The following AFAP1L2 variants were observed in gnomAD, a reference collection of about 807,000 sequenced individuals.
AFAP1L2 encodes the protein actin filament-associated protein 1-like 2.
AFAP1L2 carries 46 observed loss-of-function variants against 99.3 expected under a neutral mutation model. The ratio of observed to expected loss-of-function variants is 0.46; its 90% CI spans 0.37 to 0.59. The LOEUF is 0.59. Ranked by LOEUF, AFAP1L2 falls within the 20% of genes least tolerant of loss-of-function variation. AFAP1L2 has a pLI of 0.00. For synonymous variants in AFAP1L2, 397 were observed against 419.1 expected, an observed-to-expected ratio of 0.95 and a Z score of 0.64; for missense variants, 959 against 1,034.9, an observed-to-expected ratio of 0.93 and a Z score of 1.01.
At chr10:114,403,179 G>A (rs2058383895) in intron 1 of AFAP1L2, among the ~76,000 whole-genome samples, 1 of 152,222 alleles carries the variant, frequency 6.6e-6, no homozygotes, top group African/African-American at 2.4e-5. Flanking sequence ...GAAATCAAAG[G>A]TGGCCAACTC....
At chr10:114,390,799 A>G (rs974386444) in intron 1 of AFAP1L2, among the ~76,000 whole-genome samples, 19 of 150,860 alleles carry the variant, frequency 1.3e-4, no homozygotes, top group African/African-American at 4.6e-4. Flanking sequence ...CTGCATGAAG[A>G]TGGTTGAACC....
At position 114,365,850 on chromosome 10, in the gene AFAP1L2, C is replaced by G. The variant is rs546633052; in HGVS notation, c.17-25119G>C. ...AAGTGATCTTCCTGCCTCAGTCTTT[C>G]AAGTAAGCTAGGACTACATACAGCA... On this transcript the variant is annotated intron_variant, in intron 1 of 18. Coordinates refer to ENST00000304129, the MANE Select transcript of AFAP1L2 (RefSeq NM_001001936.3). Among the ~76,000 whole-genome samples the G allele has an allele frequency of 5.3e-5, 8 of 152,010 alleles. No homozygotes were observed. The South Asian group carries it at 1.3e-3, about 24-fold the overall frequency.
chr10:114,325,382 G>A (rs1410165545), intron 4 of AFAP1L2, among the ~76,000 whole-genome samples: 3 of 152,168 alleles, frequency 2.0e-5, no homozygotes, highest in African/African-American at 4.8e-5. Context: ...AAGCTGAGAC[G>A]AAGAGGATCG....
chr10:114,326,301 G>A lies in AFAP1L2; in HGVS notation c.316-3040C>T, dbSNP rs112735494. On this transcript the variant is annotated intron_variant, in intron 4 of 18. Coordinates refer to ENST00000304129, the MANE Select transcript of AFAP1L2 (RefSeq NM_001001936.3). ...TTTTCTCCCCTCCCCATTCCTGGGG[G>A]CAACTGTTTAAAGGCATTTTACTCC... 1.8e-4 allele frequency among the ~76,000 whole-genome samples: 27 copies of A among 152,318 alleles called. 1 individual carries two copies. The highest frequency in any genetic ancestry group is 6.3e-4 in the African/African-American group (26 of 41,556).
At chr10:114,383,130 G>T (rs541124627) in intron 1 of AFAP1L2, among the ~76,000 whole-genome samples, 2 of 152,192 alleles carry the variant, frequency 1.3e-5, no homozygotes, top group African/African-American at 4.8e-5. Flanking sequence ...AAGAAAAAAA[G>T]TTGTATATAC....
intron 5 of AFAP1L2, 73 bp from the exon 6 acceptor site, chr10:114,315,838 G>A (rs990126462): frequency 2.1e-6 from 3 of 1,440,296 alleles, no homozygotes; most frequent in South Asian, 1.3e-5. Context: ...GCTGGGGAGG[G>A]CAGCAGGCAG....
At position 114,301,384 on chromosome 10, in the gene AFAP1L2, G is replaced by A. The variant is rs779984126; in HGVS notation, c.1512C>T (p.Asp504=). Residue 504 remains aspartate, a synonymous_variant, in exon 13 of 19, where the codon GAC becomes GAT. Coordinates refer to ENST00000304129, the MANE Select transcript of AFAP1L2 (RefSeq NM_001001936.3). ...CTGTGAGCTCTGACAGGTCCACGTC[G>A]TCATACAGCTCCTCCTGGCGGTCCT... ...PSQDRQEELY[D]DVDLSELTAA... The A allele has an allele frequency of 1.7e-4, 281 of 1,614,088 alleles. No homozygotes were observed. Among genetic ancestry groups the A allele is most frequent in the Non-Finnish European group, 2.3e-4 (268 of 1,180,008 alleles).
At chr10:114,374,650 C>T (rs1479607093) in intron 1 of AFAP1L2, among the ~76,000 whole-genome samples, 1 of 152,004 alleles carries the variant, frequency 6.6e-6, no homozygotes, top group African/African-American at 2.4e-5. Context: ...AACTCACCCC[C>T]TCGCTGGATG....
At chr10:114,320,032 G>T (rs2044890087) in intron 5 of AFAP1L2, among the ~76,000 whole-genome samples, 1 of 152,168 alleles carries the variant, frequency 6.6e-6, no homozygotes, top group Admixed American at 6.5e-5. Flanking sequence ...AGGAGCCCGG[G>T]CACCTAATCT....
chr10:114,344,737 A>G (rs958350951), intron 1 of AFAP1L2, among the ~76,000 whole-genome samples: 4 of 152,194 alleles, frequency 2.6e-5, no homozygotes, highest in African/African-American at 7.2e-5. Flanking sequence ...TTTATCAGGA[A>G]AAGGAATTGT....
Position 114,300,352 on chromosome 10 carries a change from C to A in AFAP1L2, c.1799G>T (p.Ser600Ile), listed in dbSNP as rs1323444796. 1 of 1,614,190 alleles carries A rather than the reference C, an allele frequency of 6.2e-7. No individual in the cohort carries two copies. Among genetic ancestry groups the A allele is most frequent in the Non-Finnish European group, 8.5e-7 (1 of 1,180,012 alleles). Residue 600 changes from serine (S) to isoleucine (I), a missense_variant, in exon 15 of 19, where the codon AGT (serine) becomes ATT (isoleucine). Ser to Ile is a moderately radical substitution (Grantham distance 142). Around this residue, in one of 2 missense-constraint regions of AFAP1L2, gnomAD observed 576 missense variants for 562.1 expected, o/e 1.02. Coordinates refer to ENST00000304129, the MANE Select transcript of AFAP1L2 (RefSeq NM_001001936.3). ...CAGGGAAGGATCCTCTGGCTCCAAA[C>A]TCTCCAGCTGCTTTGGGGGAAAGCA... Reference protein sequence around the residue: ...PENLGEQQLESLEPEDPSLRI... With the variant: ...PENLGEQQLEILEPEDPSLRI...
chr10:114,391,409 AG>A (rs1367436154), intron 1 of AFAP1L2, among the ~76,000 whole-genome samples: 1 of 152,072 alleles, frequency 6.6e-6, no homozygotes, highest in Non-Finnish European at 1.5e-5. Flanking sequence ...TAGTAGAGAC[AG>A]GGTTTCACCA....
chr10:114,329,157 C>T (rs554629652), intron 4 of AFAP1L2, among the ~76,000 whole-genome samples: 5 of 152,284 alleles, frequency 3.3e-5, no homozygotes, highest in African/African-American at 1.2e-4. Flanking sequence ...GCACCAGTTC[C>T]TTTCAAACAG....
intron 1 of AFAP1L2, among the ~76,000 whole-genome samples, chr10:114,360,533 A>T (rs61868286): frequency 7.3e-6 from 1 of 137,416 alleles, no homozygotes; most frequent in African/African-American, 2.6e-5. Flanking sequence ...AGATAGATAG[A>T]TAGATAGATA....
chr10:114,341,269 T>C (rs963300816), intron 1 of AFAP1L2, among the ~76,000 whole-genome samples: 1 of 152,228 alleles, frequency 6.6e-6, no homozygotes, highest in Non-Finnish European at 1.5e-5. Context: ...CGCCTTGGCT[T>C]GACTGCACGG....
the AFAP1L2 span, chr10:114,286,522 A>G: frequency 1.3e-6 from 2 of 1,549,942 alleles, no homozygotes; most frequent in South Asian, 1.2e-5. Flanking sequence ...GTAAGGTCCC[A>G]GTGCCTGACC....
At chr10:114,308,047 C>T in intron 9 of AFAP1L2, 138 bp from the exon 10 acceptor site, 5 of 705,246 alleles carry the variant, frequency 7.1e-6, no homozygotes, top group South Asian at 4.9e-5. Context: ...CATATGCACG[C>T]ATACACACAC....
At chr10:114,333,588 C>A (rs1212998155) in intron 2 of AFAP1L2, among the ~76,000 whole-genome samples, 4 of 152,134 alleles carry the variant, frequency 2.6e-5, no homozygotes, top group African/African-American at 9.7e-5. Context: ...GAGGCCGAGG[C>A]AGGCGGATCA....
chr10:114,322,647 T>A (rs552972302), intron 5 of AFAP1L2, among the ~76,000 whole-genome samples: 8 of 152,222 alleles, frequency 5.3e-5, no homozygotes, highest in African/African-American at 1.9e-4. Flanking sequence ...CACCGACACA[T>A]GCTGTTTATT....
Sources: gnomAD v4.1 joint callset for allele counts (sites outside exome capture counted in the v4.1 genomes callset) on GRCh38, gnomAD v4.1.1 for gene constraint, gnomAD v4.1.1 regional missense constraint, MANE v1.5 for transcripts, NCBI Gene and HGNC (gene_info 2026-07-23, HGNC 2026-07-21) for gene names.